The following PRKN variants were observed in gnomAD, a reference collection of about 807,000 sequenced individuals.
The protein encoded by PRKN is parkin RBR E3 ubiquitin protein ligase.
A neutral mutation model predicts 59.5 loss-of-function variants in PRKN; 56 were observed. The observed-to-expected ratio is 0.94, with a 90% CI of 0.76 to 1.18. The LOEUF (loss-of-function observed/expected upper bound fraction) is 1.18, where lower values mean the gene tolerates loss of function less well. Among genes scored for constraint, PRKN ranks in the 50% most tolerant of loss-of-function variants. The pLI is 0.00. For synonymous variants in PRKN, 250 were observed against 222.1 expected, an observed-to-expected ratio of 1.13 and a Z score of -1.12; for missense variants, 657 against 596.4, an observed-to-expected ratio of 1.10 and a Z score of -1.06.
chr6:162,677,628 C>T (rs1749765897), intron 1 of PRKN, among the ~76,000 whole-genome samples: 1 of 152,034 alleles, frequency 6.6e-6, no homozygotes, highest in African/African-American at 2.4e-5. Flanking sequence ...TATACTCAGA[C>T]CCATATGACT....
intron 9 of PRKN, among the ~76,000 whole-genome samples, chr6:161,509,692 C>A (rs1157398003): frequency 1.3e-5 from 2 of 151,850 alleles, no homozygotes; most frequent in African/African-American, 4.8e-5. Context: ...CCAGCCTGAC[C>A]AACATGGTGA....
intron 4 of PRKN, among the ~76,000 whole-genome samples, chr6:162,155,908 T>C (rs1428894114): frequency 6.6e-6 from 1 of 151,714 alleles, no homozygotes; most frequent in Admixed American, 6.6e-5. Flanking sequence ...ATGCATAGAA[T>C]AAGGTACAAT....
In PRKN at chr6:161,407,540, T is replaced by C. The variant is rs755576057; in HGVS notation, c.1084-20663A>G. 5.3e-5 allele frequency among the ~76,000 whole-genome samples: 8 copies of C among 152,220 alleles called. No individual in the cohort carries two copies. Among genetic ancestry groups the C allele is most frequent in the Non-Finnish European group, 1.0e-4 (7 of 68,040 alleles). On this transcript the variant is annotated intron_variant, in intron 9 of 11. Coordinates refer to ENST00000366898, the MANE Select transcript of PRKN (RefSeq NM_004562.3). The surrounding 1 kb of genome is among the most constrained non-coding windows in gnomAD (Gnocchi z 4.9). ...ACATCCACATCAATTTACAATATCC[T>C]GATTTCAGAAATGTTAAAATACACA...
intron 7 of PRKN, among the ~76,000 whole-genome samples, chr6:161,572,722 C>T (rs1780938882): frequency 6.6e-6 from 1 of 151,844 alleles, no homozygotes; most frequent in Non-Finnish European, 1.5e-5. Context: ...AAACATAATA[C>T]ATTAGCTTTC....
chr6:162,011,055 A>ATTATAATATATAATGTAT lies in PRKN; in HGVS notation c.619-37639_619-37638insATACATTATATATTATAA, dbSNP rs1782617686. 4.1e-4 allele frequency among the ~76,000 whole-genome samples: 5 copies of ATTATAATATATAATGTAT among 12,254 alleles called. 2 individuals carry two copies. The highest frequency in any genetic ancestry group is 5.3e-4 in the Non-Finnish European group (5 of 9,348). The allele number at this position is 12,254 out of a possible 152,430, so 8.0% of individuals were successfully genotyped here. A position where few individuals can be genotyped will look rare whatever the true frequency, so the allele number is the denominator to read the frequency against. ...ATTATAATATATATTTATAATATAT[A>ATTATAATATATAATGTAT]TTATAATATATAATATATTTATAAT... On this transcript the variant is annotated intron_variant, in intron 5 of 11. Transcript: ENST00000366898.
intron 9 of PRKN, among the ~76,000 whole-genome samples, chr6:161,435,290 G>A (rs977645631): frequency 2.0e-5 from 3 of 152,104 alleles, no homozygotes; most frequent in Admixed American, 6.5e-5. Context: ...CATTCCCATT[G>A]TCCTAAAAAA....
rs751642295 is a variant in PRKN, at chr6:162,668,931, G to A, written c.7+58731C>T. On this transcript the variant is annotated intron_variant, in intron 1 of 11. Transcript: ENST00000366898. Reference sequence around the variant, plus strand: ...TGGTGGCCCTGGTGGTGGTGGTAACGATGTATCTTGACTTACAATCATGGT... The same window carrying A: ...TGGTGGCCCTGGTGGTGGTGGTAACAATGTATCTTGACTTACAATCATGGT... Among the ~76,000 whole-genome samples the A allele has an allele frequency of 4.6e-5, 7 of 152,256 alleles. No homozygotes were observed. In the East Asian group the frequency reaches 1.2e-3, roughly 25 times the overall value.
rs1780645454 is a variant in PRKN, at chr6:161,566,451, G to A, written c.933+2904C>T. ...AGACAGAGTCTCACTCTGTCACCCAGGCTGGAGTGCATTGGCACGATATTG... is the reference window on the plus strand; with the variant it reads ...AGACAGAGTCTCACTCTGTCACCCAAGCTGGAGTGCATTGGCACGATATTG... On this transcript the variant is annotated intron_variant, in intron 8 of 11. Coordinates refer to ENST00000366898, the MANE Select transcript of PRKN (RefSeq NM_004562.3). This position sits in a 1 kb window ranked among gnomAD's most constrained non-coding sequence, Gnocchi z 4.1. 6.6e-6 allele frequency among the ~76,000 whole-genome samples: 1 copy of A among 152,138 alleles called. No individual in the cohort carries two copies. Among genetic ancestry groups the A allele is most frequent in the Non-Finnish European group, 1.5e-5 (1 of 68,028 alleles).
chr6:162,229,660 A>G (rs918654012), intron 3 of PRKN, among the ~76,000 whole-genome samples: 9 of 152,114 alleles, frequency 5.9e-5, no homozygotes, highest in African/African-American at 1.9e-4. Flanking sequence ...CACCAAACTC[A>G]ATATCTGCCC....
At chr6:162,051,789 C>T (rs972077880) in intron 5 of PRKN, among the ~76,000 whole-genome samples, 2 of 152,160 alleles carry the variant, frequency 1.3e-5, no homozygotes, top group African/African-American at 4.8e-5. Context: ...ACCCACACTA[C>T]CCTGGAGCAA....
rs1171143569 is a variant in PRKN at position 161,576,563 on chromosome 6, G to A, written c.872-7147C>T. Among the ~76,000 whole-genome samples the A allele has an allele frequency of 6.6e-6, 1 of 152,208 alleles. No homozygotes were observed. Among genetic ancestry groups the A allele is most frequent in the Non-Finnish European group, 1.5e-5 (1 of 68,042 alleles). ...CCATTGTGCACCCACTTTGTGCCAG[G>A]CACTATTACGACACTTGGGTCGCAG... On this transcript the variant is annotated intron_variant, in intron 7 of 11. Coordinates refer to ENST00000366898, the MANE Select transcript of PRKN (RefSeq NM_004562.3). This position sits in a 1 kb window ranked among gnomAD's most constrained non-coding sequence, Gnocchi z 4.6.
chr6:161,916,790 A>ATTTTT (rs1562388649), intron 6 of PRKN, among the ~76,000 whole-genome samples: 4 of 151,928 alleles, frequency 2.6e-5, no homozygotes, highest in African/African-American at 9.7e-5. Context: ...TTTAATTTTA[A>ATTTTT]TTTTTCTTTT....
At chr6:162,367,323 C>T (rs1785496592) in intron 2 of PRKN, among the ~76,000 whole-genome samples, 1 of 152,066 alleles carries the variant, frequency 6.6e-6, no homozygotes, top group Admixed American at 6.6e-5. Context: ...TTTGGGCAGT[C>T]CTTTAGAGCA....
intron 4 of PRKN, among the ~76,000 whole-genome samples, chr6:162,108,481 T>G (rs1056082547): frequency 1.3e-5 from 2 of 152,192 alleles, no homozygotes; most frequent in African/African-American, 4.8e-5. Flanking sequence ...AATGTCAGTG[T>G]TTCCTACCAA....
At chr6:162,508,068 A>G (rs975025045) in intron 1 of PRKN, among the ~76,000 whole-genome samples, 7 of 152,168 alleles carry the variant, frequency 4.6e-5, no homozygotes, top group Non-Finnish European at 7.4e-5. Context: ...GTTTAATTGG[A>G]CTTAACAGTT....
rs1017285369 is a variant in PRKN at position 162,270,617 on chromosome 6, TTTTC to T, written c.172-7856_172-7853del. On this transcript the variant is annotated intron_variant, in intron 2 of 11. Coordinates refer to ENST00000366898, the MANE Select transcript of PRKN (RefSeq NM_004562.3). ...TTATTTGGATTTTTAATAGACTACA[TTTTC>T]TATCTAGAAAAGGAATACAATCAGC... 2.0e-5 allele frequency: 3 copies of T among 152,222 alleles called. No individual in the cohort carries two copies. In the East Asian group the frequency reaches 5.8e-4, roughly 29 times the overall value. 9.4% of individuals were successfully genotyped at this position (152,222 alleles called of 1,614,324 possible). A position where few individuals can be genotyped will look rare whatever the true frequency, so the allele number is the denominator to read the frequency against.
chr6:162,615,031 T>C (rs1161066628), intron 1 of PRKN, among the ~76,000 whole-genome samples: 1 of 152,154 alleles, frequency 6.6e-6, no homozygotes, highest in Admixed American at 6.5e-5. Flanking sequence ...ACACCTCAGC[T>C]GGAAGAAGAT....
intron 7 of PRKN, among the ~76,000 whole-genome samples, chr6:161,671,545 A>G (rs1244245837): frequency 6.6e-6 from 1 of 152,222 alleles, no homozygotes; most frequent in East Asian, 1.9e-4. Flanking sequence ...AATATTCCAC[A>G]GTATGACTGA....
chr6:162,688,218 C>T (rs1437401305), intron 1 of PRKN, among the ~76,000 whole-genome samples: 1 of 152,082 alleles, frequency 6.6e-6, no homozygotes, highest in Non-Finnish European at 1.5e-5. Context: ...ATGCATGATT[C>T]CATCTATATA....
Sources: gnomAD v4.1 joint callset for allele counts (sites outside exome capture counted in the v4.1 genomes callset) on GRCh38, gnomAD v4.1.1 for gene constraint, Gnocchi (gnomAD v3.1) non-coding constraint, MANE v1.5 for transcripts, NCBI Gene and HGNC (gene_info 2026-07-23, HGNC 2026-07-21) for gene names.